Variants in GEMIN4 observed in about 807,000 individuals in gnomAD.
The protein encoded by GEMIN4 is gem nuclear organelle associated protein 4, also known as gem-associated protein 4.
GEMIN4 carries 59 observed loss-of-function variants against 76.8 expected under a neutral mutation model. The ratio of observed to expected loss-of-function variants is 0.77; its 90% confidence interval spans 0.62 to 0.95. The LOEUF is 0.95. GEMIN4 is among the 40% of genes least tolerant of loss of function. The pLI, the probability that GEMIN4 is intolerant of heterozygous loss-of-function variation, is 0.00. For missense variants in GEMIN4, 1,311 were observed against 1,318.9 expected, an observed-to-expected ratio of 0.99 and a Z score of 0.09; for synonymous variants, 562 against 559.7, an observed-to-expected ratio of 1.00 and a Z score of -0.06.
chr17:754,173 A>G (rs1020376923), upstream of GEMIN4: 1 of 152,248 alleles, frequency 6.6e-6, no homozygotes, highest in Admixed American at 6.5e-5. Flanking sequence ...GACAATATGC[A>G]TATGGATGTC....
rs764982624 is a variant in GEMIN4 at position 746,153 on chromosome 17, G to T, written c.1890C>A (p.Cys630Ter). 6.2e-7 allele frequency: 1 copy of T among 1,613,930 alleles called. No homozygotes were observed. Among genetic ancestry groups the T allele is most frequent in the Non-Finnish European group, 8.5e-7 (1 of 1,179,898 alleles). The stretch of plus-strand genomic sequence containing the variant: ...CTTGGGGTTTCACGGGACTCATCAG[G>T]CAGTTCAGGAGCTCTAAAAATTGCT... The part of the protein sequence containing the change: ...EEKQFLELLN[C>*]LMSPVKPQGI... Residue 630 changes from cysteine (C) to a stop codon, truncating the protein, a stop_gained, in exon 2 of 2, where the codon TGC becomes TGA. Transcript: ENST00000319004. LOFTEE classifies it high-confidence loss of function. The surrounding 1 kb of genome is among the most constrained non-coding windows in gnomAD (Gnocchi z 4.3).
chr17:747,407 G>A lies in GEMIN4; in HGVS notation c.636C>T (p.Thr212=). Reference sequence around the variant, plus strand: ...GGAGCAGCATGGCCAACAGGGGCATGGTGGGGCACGCGTCTGGGTCTGACC... The same window carrying A: ...GGAGCAGCATGGCCAACAGGGGCATAGTGGGGCACGCGTCTGGGTCTGACC... ...RLRSDPDACP[T]MPLLAMLLRG... is the part of the protein sequence containing the mutation. Residue 212 remains threonine, a synonymous_variant, in exon 2 of 2, where the codon ACC becomes ACT. Coordinates refer to ENST00000319004, the MANE Select transcript of GEMIN4 (RefSeq NM_015721.3). 6.2e-7 allele frequency: 1 copy of A among 1,613,864 alleles called. No homozygotes were observed. The highest frequency in any genetic ancestry group is 8.5e-7 in the Non-Finnish European group (1 of 1,179,886).
rs1974314146 is a variant in GEMIN4, at chr17:744,540, A to G, written c.*326T>C. The G allele has an allele frequency of 4.3e-6, 1 of 232,362 alleles. No individual in the cohort carries two copies. The highest frequency in any genetic ancestry group is 9.8e-5 in the South Asian group (1 of 10,248). The allele number at this position is 232,362 out of a possible 1,614,324, so 14.4% of individuals were successfully genotyped here. A position where few individuals can be genotyped will look rare whatever the true frequency, so the allele number is the denominator to read the frequency against. On this transcript the variant is annotated 3_prime_UTR_variant, in exon 2 of 2. Transcript: ENST00000319004. ...AACATGTTCCTCCTGGCTGGATTTG[A>G]TCTTGAAGACACTAAACCCAATTTC...
chr17:746,684 C>T lies in GEMIN4; in HGVS notation c.1359G>A (p.Leu453=), dbSNP rs1321652727. ...TCACTGTTTCCAGCAGCCTCAACAC[C>T]AAGTCTGGCTGTCGGAAGAGGGCCC... is the stretch of plus-strand genomic sequence containing the variant. ...SNRALFRQPD[L]VLRLLETVID... Residue 453 remains leucine, a synonymous_variant, in exon 2 of 2, where the codon TTG becomes TTA. Transcript: ENST00000319004. This position sits in a 1 kb window ranked among gnomAD's most constrained non-coding sequence, Gnocchi z 4.3. The T allele has an allele frequency of 1.2e-6, 2 of 1,613,594 alleles. No homozygotes were observed. The highest frequency in any genetic ancestry group is 2.2e-5 in the South Asian group (2 of 91,086).
In GEMIN4 at chr17:745,240, C is replaced by A; in HGVS notation, c.2803G>T (p.Gly935Cys). ...HSCRDWLPLE[G>C]WNHVVKLLCG... ...AGGAGTTTGACCACGTGGTTCCAGC[C>A]TTCCAGAGGAAGCCAATCACGACAG... Residue 935 changes from glycine to cysteine, a missense_variant, in exon 2 of 2, where the codon GGC (glycine) becomes TGC (cysteine). By Grantham distance (159) the Gly-to-Cys change is radical. Around this residue, in one of 2 missense-constraint regions of GEMIN4, gnomAD observed 1,208 missense variants for 1,166.9 expected, o/e 1.04. Transcript: ENST00000319004. The surrounding 1 kb of genome is among the most constrained non-coding windows in gnomAD (Gnocchi z 4.6). 1 of 1,610,562 alleles carries A rather than the reference C, an allele frequency of 6.2e-7. No homozygotes were observed. Among genetic ancestry groups the A allele is most frequent in the East Asian group, 2.2e-5 (1 of 44,822 alleles).
Position 747,151 on chromosome 17 carries a change from G to T in GEMIN4, c.892C>A (p.Arg298=), listed in dbSNP as rs201812530. Residue 298 remains arginine (R), a synonymous_variant, in exon 2 of 2, where the codon CGG becomes AGG. Coordinates refer to ENST00000319004, the MANE Select transcript of GEMIN4 (RefSeq NM_015721.3). ...ALAEKVKEAE[R]DVSLTSLAKL... ...GCCAGCGAGGTCAGGCTGACATCCCGTTCTGCCTCCTTCACCTTCTCTGCC... is the reference window on the plus strand; with the variant it reads ...GCCAGCGAGGTCAGGCTGACATCCCTTTCTGCCTCCTTCACCTTCTCTGCC... The T allele has an allele frequency of 6.2e-7, 1 of 1,613,704 alleles. No individual in the cohort carries two copies. The highest frequency in any genetic ancestry group is 8.5e-7 in the Non-Finnish European group (1 of 1,179,894).
chr17:752,050 A>G (rs2144210471), intron 1 of GEMIN4, 83 bp downstream of exon 1: 1 of 946,840 alleles, frequency 1.1e-6, no homozygotes, highest in East Asian at 3.3e-5. Context: ...AGCGTGCGCG[A>G]CAGGAGGAGA....
chr17:747,704 G>A lies in GEMIN4; in HGVS notation c.339C>T (p.Phe113=), dbSNP rs538492187. The change falls in exon 2 of 2, where the codon TTC becomes TTT. Residue 113 remains phenylalanine, a synonymous_variant. Coordinates refer to ENST00000319004, the MANE Select transcript of GEMIN4 (RefSeq NM_015721.3). ...MIPTINHTIL[F]ELLKSLEASG... Reference sequence around the variant, plus strand: ...AAGCTTCCAGGGATTTGAGCAGCTCGAAGAGGATGGTGTGGTTGATGGTGG... The same window carrying A: ...AAGCTTCCAGGGATTTGAGCAGCTCAAAGAGGATGGTGTGGTTGATGGTGG... 2.4e-5 allele frequency: 39 copies of A among 1,613,824 alleles called. No individual in the cohort carries two copies. The highest frequency in any genetic ancestry group is 1.6e-4 in the Middle Eastern group (1 of 6,062).
Position 746,933 on chromosome 17 carries a change from C to A in GEMIN4, c.1110G>T (p.Lys370Asn), listed in dbSNP as rs765448601. ...TLYLNRTSLS[K>N]EDRQVVSELA... ...GCTCAGAGACCACCTGCCTGTCCTCCTTGGACAGGCTGGTGCGGTTCAGGT... is the reference window on the plus strand; with the variant it reads ...GCTCAGAGACCACCTGCCTGTCCTCATTGGACAGGCTGGTGCGGTTCAGGT... The change falls in exon 2 of 2, where the codon AAG becomes AAT. Residue 370 changes from lysine to asparagine, a missense_variant. Lys to Asn is a moderately conservative substitution (Grantham distance 94, BLOSUM62 0). Around this residue, in one of 2 missense-constraint regions of GEMIN4, gnomAD observed 1,208 missense variants for 1,166.9 expected, o/e 1.04. Coordinates refer to ENST00000319004, the MANE Select transcript of GEMIN4 (RefSeq NM_015721.3). This position sits in a 1 kb window ranked among gnomAD's most constrained non-coding sequence, Gnocchi z 4.3. The A allele has an allele frequency of 6.2e-7, 1 of 1,613,378 alleles. No individual in the cohort carries two copies. The highest frequency in any genetic ancestry group is 1.1e-5 in the South Asian group (1 of 91,082).
chr17:746,749 C>T lies in GEMIN4; in HGVS notation c.1294G>A (p.Ala432Thr). 1 of 1,613,536 alleles carries T rather than the reference C, an allele frequency of 6.2e-7. No homozygotes were observed. The highest frequency in any genetic ancestry group is 8.5e-7 in the Non-Finnish European group (1 of 1,179,670). Residue 432 changes from alanine to threonine, a missense_variant, in exon 2 of 2, where the codon GCC (alanine) becomes ACC (threonine). Ala to Thr is a moderately conservative substitution (Grantham distance 58, BLOSUM62 0). Transcript: ENST00000319004. The surrounding 1 kb of genome is among the most constrained non-coding windows in gnomAD (Gnocchi z 4.3). Reference sequence around the variant, plus strand: ...CAGGCTACCCACTCGTCCGAGAAGGCCCACTTCTTCTCAGAGGCAAAAATG... The same window carrying T: ...CAGGCTACCCACTCGTCCGAGAAGGTCCACTTCTTCTCAGAGGCAAAAATG... ...CYIFASEKKW[A>T]FSDEWVACLG... is the part of the protein sequence containing the mutation.
At position 745,777 on chromosome 17, in the gene GEMIN4, G is replaced by T. The variant is rs757918779; in HGVS notation, c.2266C>A (p.Leu756Met). 2 of 1,611,946 alleles carry T rather than the reference G, an allele frequency of 1.2e-6. No individual in the cohort carries two copies. Among genetic ancestry groups the T allele is most frequent in the East Asian group, 2.2e-5 (1 of 44,812 alleles). The change falls in exon 2 of 2, where the codon CTG becomes ATG. Residue 756 changes from leucine (L) to methionine (M), a missense_variant. By Grantham distance (15) the Leu-to-Met change is conservative. This residue lies in a region of GEMIN4 where 1,208 missense variants were observed against 1,166.9 expected (regional missense o/e 1.04). Coordinates refer to ENST00000319004, the MANE Select transcript of GEMIN4 (RefSeq NM_015721.3). This position sits in a 1 kb window ranked among gnomAD's most constrained non-coding sequence, Gnocchi z 4.6. ...TFSPDVWIKS[L>M]SWLHRKLEQL... ...TCTAACTTGCGGTGGAGCCAGGACA[G>T]GGACTTGATCCAGACATCCGGGGAG...
In GEMIN4 at chr17:747,378, C is replaced by T. The variant is rs763015485; in HGVS notation, c.665G>A (p.Gly222Glu). 1.2e-6 allele frequency: 2 copies of T among 1,613,664 alleles called. No homozygotes were observed. The highest frequency in any genetic ancestry group is 2.7e-5 in the African/African-American group (2 of 74,924). The change falls in exon 2 of 2, where the codon GGG becomes GAG. Residue 222 changes from glycine to glutamate, a missense_variant. Around this residue, in one of 2 missense-constraint regions of GEMIN4, gnomAD observed 1,208 missense variants for 1,166.9 expected, o/e 1.04. Coordinates refer to ENST00000319004, the MANE Select transcript of GEMIN4 (RefSeq NM_015721.3). Reference protein sequence around the residue: ...TMPLLAMLLRGLTQIQSRILG... With the variant: ...TMPLLAMLLRELTQIQSRILG... ...GATCCGACTCTGGATCTGTGTCAGCCCGCGGAGCAGCATGGCCAACAGGGG... is the reference window on the plus strand; with the variant it reads ...GATCCGACTCTGGATCTGTGTCAGCTCGCGGAGCAGCATGGCCAACAGGGG...
At chr17:748,679 CA>C (rs2144185641) in intron 1 of GEMIN4, 3 of 234,120 alleles carry the variant, frequency 1.3e-5, no homozygotes, top group South Asian at 4.6e-5. Context: ...AGCAATCACA[CA>C]GCCACAGGGT....
At position 745,644 on chromosome 17, in the gene GEMIN4, T is replaced by C. The variant is rs1417213784; in HGVS notation, c.2399A>G (p.Glu800Gly). ...CCCTGGGTGGGCCTGGGAGGTCCAC[T>C]CGTCTTCTGAAAGCTTACAGATCTC... Reference protein sequence around the residue: ...LFEICKLSEDEWTSQAHPGYG... With the variant: ...LFEICKLSEDGWTSQAHPGYG... The change falls in exon 2 of 2, where the codon GAG (glutamate) becomes GGG (glycine). Residue 800 changes from glutamate to glycine, a missense_variant. Glu to Gly is a moderately conservative substitution (Grantham distance 98, BLOSUM62 -2). Around this residue, in one of 2 missense-constraint regions of GEMIN4, gnomAD observed 1,208 missense variants for 1,166.9 expected, o/e 1.04. Transcript: ENST00000319004. The surrounding 1 kb of genome is among the most constrained non-coding windows in gnomAD (Gnocchi z 4.6). 1 of 1,599,742 alleles carries C rather than the reference T, an allele frequency of 6.3e-7. No homozygotes were observed. Among genetic ancestry groups the C allele is most frequent in the Admixed American group, 1.8e-5 (1 of 57,104 alleles).
Position 747,131 on chromosome 17 carries a change from C to T in GEMIN4, c.912G>A (p.Ser304=), listed in dbSNP as rs61735317. Residue 304 remains serine (S), a synonymous_variant, in exon 2 of 2, where the codon TCG becomes TCA. Coordinates refer to ENST00000319004, the MANE Select transcript of GEMIN4 (RefSeq NM_015721.3). ...KEAERDVSLT[S]LAKLPSETIF... ...TGGTCTCACTGGGGAGTTTGGCCAG[C>T]GAGGTCAGGCTGACATCCCGTTCTG... 4.0e-3 allele frequency: 6,384 copies of T among 1,613,714 alleles called. 214 individuals carry two copies. The African/African-American group carries it at 0.071, about 18-fold the overall frequency.
Position 745,584 on chromosome 17 carries a change from T to G in GEMIN4, c.2459A>C (p.Glu820Ala). The G allele has an allele frequency of 6.2e-7, 1 of 1,610,278 alleles. No homozygotes were observed. The highest frequency in any genetic ancestry group is 1.1e-5 in the South Asian group (1 of 90,698). ...GATGCCGCTGGAGACGCAGCAGCAC[T>G]CCATCCAGGCCAGGAGCCCCGTGCC... Reference protein sequence around the residue: ...GAGTGLLAWMECCCVSSGISE... With the variant: ...GAGTGLLAWMACCCVSSGISE... The change falls in exon 2 of 2, where the codon GAG becomes GCG. Residue 820 changes from glutamate to alanine, a missense_variant. Physicochemically the swap from Glu to Ala is moderately radical, Grantham distance 107. Transcript: ENST00000319004. The surrounding 1 kb of genome is among the most constrained non-coding windows in gnomAD (Gnocchi z 4.6).
chr17:752,634 C>T (rs779803557), upstream of GEMIN4: 756 of 1,011,842 alleles, frequency 7.5e-4, 3 homozygotes, highest in Admixed American at 2.4e-3. Flanking sequence ...TCAACGCGCT[C>T]CTGCCGCGCC....
intron 1 of GEMIN4, 154 bp from the exon 2 acceptor site, chr17:748,186 G>A (rs927132089): frequency 4.8e-5 from 30 of 629,196 alleles, no homozygotes; most frequent in Admixed American, 1.5e-4. Context: ...TGCACAGCTG[G>A]AGTCAGAAGG....
chr17:745,407 A>C lies in GEMIN4; in HGVS notation c.2636T>G (p.Leu879Arg). 1 of 1,612,972 alleles carries C rather than the reference A, an allele frequency of 6.2e-7. No homozygotes were observed. Among genetic ancestry groups the C allele is most frequent in the Non-Finnish European group, 8.5e-7 (1 of 1,179,694 alleles). The change falls in exon 2 of 2, where the codon CTG becomes CGG. Residue 879 changes from leucine (L) to arginine (R), a missense_variant. Around this residue, in one of 2 missense-constraint regions of GEMIN4, gnomAD observed 1,208 missense variants for 1,166.9 expected, o/e 1.04. Coordinates refer to ENST00000319004, the MANE Select transcript of GEMIN4 (RefSeq NM_015721.3). This position sits in a 1 kb window ranked among gnomAD's most constrained non-coding sequence, Gnocchi z 4.6. Reference sequence around the variant, plus strand: ...GACATGGAGGAGCTGCTTCTCCAGCAGTCTCCTGGTCAGCTGGTGAAGGCG... The same window carrying C: ...GACATGGAGGAGCTGCTTCTCCAGCCGTCTCCTGGTCAGCTGGTGAAGGCG... The part of the protein sequence containing the change: ...WQRLHQLTRR[L>R]LEKQLLHVPY...
Sources: gnomAD v4.1 joint callset for allele counts on GRCh38, gnomAD v4.1.1 for gene constraint, gnomAD v4.1.1 regional missense constraint, Gnocchi (gnomAD v3.1) non-coding constraint, MANE v1.5 for transcripts, NCBI Gene and HGNC (gene_info 2026-07-23, HGNC 2026-07-21) for gene names.